Variants in EIF5B observed in about 807,000 individuals in gnomAD.
EIF5B encodes eukaryotic translation initiation factor 5B.
EIF5B carries 47 observed loss-of-function variants against 147.5 expected under a neutral mutation model. The ratio of observed to expected loss-of-function variants is 0.32; its 90% CI spans 0.25 to 0.41. EIF5B has a LOEUF of 0.41. EIF5B is among the 10% of genes least tolerant of loss of function. The pLI, the probability that EIF5B is intolerant of heterozygous loss-of-function variation, is 1.00. For missense variants in EIF5B, 1,064 were observed against 1,413.2 expected (o/e 0.75, Z 3.96); for synonymous variants, 455 against 456.2 (o/e 1.00, Z 0.03).
intron 1 of EIF5B, among the ~76,000 whole-genome samples, chr2:99,338,933 TATATACAA>T: frequency 6.8e-6 from 1 of 146,958 alleles, no homozygotes; most frequent in Non-Finnish European, 1.5e-5. Context: ...TATATATATA[TATATACAA>T]ATATATATAC....
At chr2:99,384,326 C>CA (rs138885335) in intron 14 of EIF5B, among the ~76,000 whole-genome samples, 25,492 of 152,048 alleles carry the variant, frequency 0.17, 2,701 homozygotes, top group African/African-American at 0.28. Context: ...ACCAACTGCT[C>CA]AGAGAAAAAG....
chr2:99,380,049 C>A (rs1559255968), intron 12 of EIF5B, among the ~76,000 whole-genome samples: 1 of 152,112 alleles, frequency 6.6e-6, no homozygotes, highest in Non-Finnish European at 1.5e-5. Flanking sequence ...TGTTGATACT[C>A]GAACTCCATC....
chr2:99,349,203 A>G (rs1440943437), intron 1 of EIF5B, among the ~76,000 whole-genome samples: 4 of 152,250 alleles, frequency 2.6e-5, no homozygotes, highest in Admixed American at 6.5e-5. Flanking sequence ...AAAGAGTGTC[A>G]GAGATATTTT....
At chr2:99,368,106 C>CTG (rs1674367816) in intron 6 of EIF5B, among the ~76,000 whole-genome samples, 2 of 152,178 alleles carry the variant, frequency 1.3e-5, no homozygotes, top group South Asian at 4.2e-4. Flanking sequence ...TGATAGAGGC[C>CTG]AGACCGTAAG....
At chr2:99,349,775 A>G (rs764618730) in intron 1 of EIF5B, among the ~76,000 whole-genome samples, 3 of 152,230 alleles carry the variant, frequency 2.0e-5, no homozygotes, top group Admixed American at 2.0e-4. Context: ...TAGCATATCT[A>G]TCACGTCAAA....
chr2:99,366,544 T>C (rs947255260), intron 6 of EIF5B, among the ~76,000 whole-genome samples: 8 of 151,986 alleles, frequency 5.3e-5, no homozygotes, highest in African/African-American at 1.4e-4. Context: ...ATTCCTACGT[T>C]AGAGATAACA....
In EIF5B at chr2:99,361,722, G is replaced by C. The variant is rs1241446986; in HGVS notation, c.821G>C (p.Arg274Thr). 6.3e-7 allele frequency: 1 copy of C among 1,596,258 alleles called. No homozygotes were observed. Among genetic ancestry groups the C allele is most frequent in the South Asian group, 1.2e-5 (1 of 86,578 alleles). ...KDQSKQKESQ[R>T]KFEEETVKSK... is the part of the protein sequence containing the mutation. ...CAGAGTAAACAAAAGGAATCTCAAAGGAAATTTGAAGAAGAAACTGTAAAA... is the reference window on the plus strand; with the variant it reads ...CAGAGTAAACAAAAGGAATCTCAAACGAAATTTGAAGAAGAAACTGTAAAA... The change falls in exon 4 of 24, where the codon AGG (arginine) becomes ACG (threonine). Residue 274 changes from arginine (R) to threonine (T), a missense_variant. This residue lies in a region of EIF5B where 458 missense variants were observed against 451.3 expected (regional missense o/e 1.01). Transcript: ENST00000289371.
intron 1 of EIF5B, among the ~76,000 whole-genome samples, chr2:99,345,175 G>C (rs2094269765): frequency 6.6e-6 from 1 of 152,178 alleles, no homozygotes; most frequent in Non-Finnish European, 1.5e-5. Flanking sequence ...TTATTATAGT[G>C]TTAGACGTGT....
chr2:99,392,897 CTCTTA>C, intron 17 of EIF5B, 65 bp from the exon 18 acceptor site: 1 of 1,290,406 alleles, frequency 7.7e-7, no homozygotes. Flanking sequence ...TGATGAGATT[CTCTTA>C]TATCATCTTC....
intron 8 of EIF5B, among the ~76,000 whole-genome samples, chr2:99,370,289 C>T (rs553902159): frequency 2.1e-4 from 32 of 152,026 alleles, no homozygotes; most frequent in African/African-American, 6.0e-4. Context: ...CTAACTCTTA[C>T]GACTAGATAT....
intron 1 of EIF5B, among the ~76,000 whole-genome samples, chr2:99,348,663 G>A (rs1218984244): frequency 6.6e-6 from 1 of 152,142 alleles, no homozygotes; most frequent in Non-Finnish European, 1.5e-5. Flanking sequence ...TAAGAGTTTT[G>A]GCGGAGAGGG....
At chr2:99,387,485 C>T (rs893756655) in intron 14 of EIF5B, among the ~76,000 whole-genome samples, 1 of 152,114 alleles carries the variant, frequency 6.6e-6, no homozygotes, top group African/African-American at 2.4e-5. Flanking sequence ...TATGTCTGTT[C>T]CTAGAATTTA....
At chr2:99,376,247 G>A in intron 9 of EIF5B, 100 bp from the exon 10 acceptor site, 1 of 763,560 alleles carries the variant, frequency 1.3e-6, no homozygotes, top group Non-Finnish European at 2.0e-6. Flanking sequence ...GTGGCTCAGG[G>A]AAGCCAAAAG....
At chr2:99,381,377 A>G (rs2104227626) in intron 12 of EIF5B, among the ~76,000 whole-genome samples, 1 of 152,304 alleles carries the variant, frequency 6.6e-6, no homozygotes, top group Admixed American at 6.5e-5. Flanking sequence ...AGTGGAAATA[A>G]TTATGGTGCT....
chr2:99,361,073 T>C, intron 3 of EIF5B, 75 bp from the exon 4 acceptor site: 1 of 1,231,342 alleles, frequency 8.1e-7, no homozygotes, highest in East Asian at 2.6e-5. Flanking sequence ...TTAAAAAATG[T>C]TTACTTAATG....
intron 17 of EIF5B, among the ~76,000 whole-genome samples, chr2:99,392,708 C>G (rs930057514): frequency 1.3e-4 from 19 of 151,934 alleles, no homozygotes; most frequent in African/African-American, 4.6e-4. Context: ...TTTATATGCG[C>G]TTATATATTC....
intron 22 of EIF5B, 45 bp from the exon 23 acceptor site, chr2:99,398,703 G>C: frequency 6.4e-7 from 1 of 1,566,574 alleles, no homozygotes; most frequent in Non-Finnish European, 8.7e-7. Context: ...CCTGTGATTG[G>C]CATGAATTCT....
In EIF5B at chr2:99,399,411, C is replaced by CTAA. The variant is rs770229091; in HGVS notation, c.3662_*1dup. 6.2e-7 allele frequency: 1 copy of CTAA among 1,613,740 alleles called. No homozygotes were observed. The highest frequency in any genetic ancestry group is 1.7e-5 in the Admixed American group (1 of 60,022). The stretch of plus-strand genomic sequence containing the variant: ...AGCTGAAGAAAGTATTTGAAATCAT[C>CTAA]TAATTTTTTCACATGGAGCAGGAAC... On this transcript the variant is annotated inframe_insertion and stop_retained_variant, in exon 24 of 24. Coordinates refer to ENST00000289371, the MANE Select transcript of EIF5B (RefSeq NM_015904.4).
Position 99,363,873 on chromosome 2 carries a change from A to T in EIF5B, c.1137+11A>T. The T allele has an allele frequency of 6.3e-7, 1 of 1,598,742 alleles. No homozygotes were observed. Among genetic ancestry groups the T allele is most frequent in the Non-Finnish European group, 8.5e-7 (1 of 1,175,490 alleles). ...AAGCGTAAAGAAGAGGTATGTTTTC[A>T]TGAAGTTGGTAACATTGATATTGTG... On this transcript the variant is annotated intron_variant, in intron 5 of 23. Coordinates refer to ENST00000289371, the MANE Select transcript of EIF5B (RefSeq NM_015904.4).
Sources: allele counts gnomAD v4.1 joint callset (sites outside exome capture counted in the v4.1 genomes callset), GRCh38; gene constraint gnomAD v4.1.1; regional missense constraint gnomAD v4.1.1; transcripts MANE v1.5; gene names NCBI Gene and HGNC (gene_info 2026-07-23, HGNC 2026-07-21).